The following MITF variants were observed in gnomAD, a reference collection of about 807,000 sequenced individuals.
MITF encodes the protein microphthalmia-associated transcription factor.
In MITF, 17 loss-of-function variants were observed where a neutral mutation model predicts 60.5. That is an observed-to-expected ratio of 0.28 (90% CI 0.19 to 0.42). The LOEUF is 0.42. MITF is among the 10% of genes least tolerant of loss of function. The pLI is 1.00. For missense variants in MITF, 622 were observed against 683.5 expected (o/e 0.91, Z 1.00); for synonymous variants, 260 against 248.5 (o/e 1.05, Z -0.43).
rs73114067 is a variant in MITF at position 69,826,888 on chromosome 3, A to G, written c.105-52246A>G. ...TGTTTTTCATTTTCTCAGGGCCTGC[A>G]CATGCTTTATCTTTGGAGTAATGTT... On this transcript the variant is annotated intron_variant, in intron 1 of 9. Coordinates refer to ENST00000352241, the MANE Select transcript of MITF (RefSeq NM_001354604.2). 3.1e-3 allele frequency among the ~76,000 whole-genome samples: 468 copies of G among 152,290 alleles called. 1 individual carries two copies. Among genetic ancestry groups the G allele is most frequent in the Admixed American group, 4.6e-3 (71 of 15,290 alleles).
intron 9 of MITF, among the ~76,000 whole-genome samples, chr3:69,963,752 T>C (rs1404027885): frequency 6.6e-6 from 1 of 152,090 alleles, no homozygotes; most frequent in Non-Finnish European, 1.5e-5. Context: ...AATGATATCA[T>C]GTGGTTGAAA....
intron 1 of MITF, chr3:69,769,416 T>C (rs2062356767): frequency 6.6e-6 from 1 of 152,178 alleles, no homozygotes; most frequent in African/African-American, 2.4e-5. Flanking sequence ...GACTACTTAT[T>C]TTGTTCTTTC....
chr3:69,959,232 C>T lies in MITF; in HGVS notation c.1032-41C>T, dbSNP rs1243704327. Reference sequence around the variant, plus strand: ...TGAATATTGAATTTTCATTGAGCCTCAAATCCTAAAAATATCTGTTTTCCT... The same window carrying T: ...TGAATATTGAATTTTCATTGAGCCTTAAATCCTAAAAATATCTGTTTTCCT... On this transcript the variant is annotated intron_variant, in intron 8 of 9. Coordinates refer to ENST00000352241, the MANE Select transcript of MITF (RefSeq NM_001354604.2). The T allele has an allele frequency of 5.0e-6, 8 of 1,611,402 alleles. No individual in the cohort carries two copies. In the Admixed American group the frequency reaches 1.3e-4, roughly 27 times the overall value.
chr3:69,916,941 G>C (rs2065346880), intron 2 of MITF, among the ~76,000 whole-genome samples: 1 of 152,130 alleles, frequency 6.6e-6, no homozygotes, highest in Non-Finnish European at 1.5e-5. Flanking sequence ...TTAATATTTA[G>C]AATACCTTCT....
At chr3:69,782,056 A>C (rs1475025570) in intron 1 of MITF, among the ~76,000 whole-genome samples, 1 of 152,220 alleles carries the variant, frequency 6.6e-6, no homozygotes, top group East Asian at 1.9e-4. Flanking sequence ...ACAGGTTTGC[A>C]ACATTGTACA....
chr3:69,901,313 T>C (rs551193039), intron 2 of MITF, among the ~76,000 whole-genome samples: 166 of 152,174 alleles, frequency 1.1e-3, no homozygotes, highest in African/African-American at 3.8e-3. Flanking sequence ...TTCCTAAATA[T>C]AGTGTGTTGT....
At chr3:69,770,882 CA>C (rs2062383196) in intron 1 of MITF, among the ~76,000 whole-genome samples, 1 of 152,034 alleles carries the variant, frequency 6.6e-6, no homozygotes, top group African/African-American at 2.4e-5. Flanking sequence ...GAGAACTATT[CA>C]AAGATAAGAA....
Position 69,796,228 on chromosome 3 carries a change from G to A in MITF, c.104+56527G>A, listed in dbSNP as rs577519475. On this transcript the variant is annotated intron_variant, in intron 1 of 9. Transcript: ENST00000352241. ...ATTCCTGACCTCAGGTGATCTGCCT[G>A]CCTCGGCCTCCTAAAGTGCTGGGAT... is the stretch of plus-strand genomic sequence containing the variant. 3.3e-5 allele frequency among the ~76,000 whole-genome samples: 5 copies of A among 152,210 alleles called. No homozygotes were observed. In the East Asian group the frequency reaches 9.7e-4, roughly 29 times the overall value.
intron 2 of MITF, among the ~76,000 whole-genome samples, chr3:69,891,936 G>A (rs1320930780): frequency 3.3e-5 from 5 of 152,190 alleles, no homozygotes; most frequent in Non-Finnish European, 5.9e-5. Flanking sequence ...GTCAAGTCTT[G>A]AGGAGGTGAA....
At chr3:69,827,750 A>T (rs1048707244) in intron 1 of MITF, among the ~76,000 whole-genome samples, 1 of 151,528 alleles carries the variant, frequency 6.6e-6, no homozygotes, top group Non-Finnish European at 1.5e-5. Context: ...TTTGACCTTC[A>T]CATCACTTTA....
At chr3:69,820,323 T>G (rs1430073102) in intron 1 of MITF, among the ~76,000 whole-genome samples, 1 of 152,208 alleles carries the variant, frequency 6.6e-6, no homozygotes, top group African/African-American at 2.4e-5. Flanking sequence ...TTACCAGGGA[T>G]GTTCATGGAA....
intron 2 of MITF, among the ~76,000 whole-genome samples, chr3:69,917,045 T>C (rs886371772): frequency 6.6e-6 from 1 of 152,168 alleles, no homozygotes; most frequent in Admixed American, 6.5e-5. Context: ...CCATATTATA[T>C]GTCCAGTGCA....
intron 1 of MITF, among the ~76,000 whole-genome samples, chr3:69,806,528 G>A (rs2063011323): frequency 6.6e-6 from 1 of 151,768 alleles, no homozygotes; most frequent in African/African-American, 2.4e-5. Flanking sequence ...AATGTAGTTA[G>A]ACCATTACAA....
chr3:69,866,031 C>T (rs2064108071), intron 1 of MITF, among the ~76,000 whole-genome samples: 1 of 152,180 alleles, frequency 6.6e-6, no homozygotes, highest in African/African-American at 2.4e-5. Flanking sequence ...TGGGCTGCCT[C>T]CCTGGCCGTG....
intron 2 of MITF, among the ~76,000 whole-genome samples, chr3:69,918,854 A>G (rs2065397612): frequency 6.6e-6 from 1 of 152,230 alleles, no homozygotes; most frequent in South Asian, 2.1e-4. Flanking sequence ...ACTTATTCTC[A>G]TACTCTCCAA....
intron 1 of MITF, among the ~76,000 whole-genome samples, chr3:69,779,424 C>T (rs2062527373): frequency 6.6e-6 from 1 of 152,138 alleles, no homozygotes; most frequent in Non-Finnish European, 1.5e-5. Flanking sequence ...TTAATTTCTG[C>T]TGGGAGATAT....
intron 1 of MITF, among the ~76,000 whole-genome samples, chr3:69,823,538 T>C (rs2063309482): frequency 6.6e-6 from 1 of 152,102 alleles, no homozygotes; most frequent in Non-Finnish European, 1.5e-5. Context: ...CTAAACTCAA[T>C]TACCTCCCAA....
chr3:69,811,840 G>A (rs2063105171), intron 1 of MITF, among the ~76,000 whole-genome samples: 1 of 152,188 alleles, frequency 6.6e-6, no homozygotes, highest in South Asian at 2.1e-4. Flanking sequence ...AGGTGTGTGA[G>A]GCAAGGTGCA....
chr3:69,916,695 C>A (rs1411277606), intron 2 of MITF, among the ~76,000 whole-genome samples: 1 of 152,060 alleles, frequency 6.6e-6, no homozygotes, highest in African/African-American at 2.4e-5. Context: ...TGATGCACAT[C>A]ATAATAAACT....
Sources: gnomAD v4.1 joint callset for allele counts (sites outside exome capture counted in the v4.1 genomes callset) on GRCh38, gnomAD v4.1.1 for gene constraint, MANE v1.5 for transcripts, NCBI Gene and HGNC (gene_info 2026-07-23, HGNC 2026-07-21) for gene names.